Variants in ASIC2 observed in about 807,000 individuals in gnomAD.
ASIC2 encodes acid sensing ion channel subunit 2.
Under a neutral mutation model 57.3 loss-of-function variants are expected in ASIC2, and 25 were observed. The observed-to-expected ratio is 0.44, with a 90% CI of 0.32 to 0.61. The LOEUF is 0.61. Ranked by LOEUF, ASIC2 falls within the 20% of genes least tolerant of loss-of-function variation. ASIC2 has a pLI of 0.06. For synonymous variants in ASIC2, 319 were observed against 307.5 expected, an observed-to-expected ratio of 1.04 and a Z score of -0.39; for missense variants, 641 against 738.1, an observed-to-expected ratio of 0.87 and a Z score of 1.52.
chr17:33,045,693 T>G (rs1464286279), intron 3 of ASIC2, among the ~76,000 whole-genome samples: 1 of 152,168 alleles, frequency 6.6e-6, no homozygotes, highest in Admixed American at 6.5e-5. Context: ...CAAGACATAG[T>G]ACTGAGAGGG....
chr17:33,181,298 G>A (rs1333408583), intron 1 of ASIC2, among the ~76,000 whole-genome samples: 1 of 152,156 alleles, frequency 6.6e-6, no homozygotes, highest in African/African-American at 2.4e-5. Context: ...AAACACAAAA[G>A]TGTTTATAAT....
chr17:33,221,604 G>A (rs1444857979), intron 1 of ASIC2, among the ~76,000 whole-genome samples: 1 of 152,176 alleles, frequency 6.6e-6, no homozygotes, highest in African/African-American at 2.4e-5. Flanking sequence ...AGGACCCAAT[G>A]AAATGAATTC....
chr17:33,268,146 C>G (rs1909542709), intron 1 of ASIC2, among the ~76,000 whole-genome samples: 1 of 152,076 alleles, frequency 6.6e-6, no homozygotes, highest in Non-Finnish European at 1.5e-5. Flanking sequence ...GTGATTATTG[C>G]CCCTGTATAT....
intron 1 of ASIC2, among the ~76,000 whole-genome samples, chr17:33,437,506 C>A (rs1030992981): frequency 5.9e-5 from 9 of 152,076 alleles, no homozygotes; most frequent in Admixed American, 3.9e-4. Flanking sequence ...ATCAATAACA[C>A]CTCCAGGTTT....
In ASIC2 at chr17:34,019,187, T is replaced by A. The variant is rs1358548045; in HGVS notation, c.555+136791A>T. ...CCTCTCAAAGTGCGGGATTACAGGC[T>A]TGAGCCACCACGCCTGGCCAAAGTA... On this transcript the variant is annotated intron_variant, in intron 1 of 9. Coordinates refer to the ASIC2 transcript ENST00000359872. Among the ~76,000 whole-genome samples, 4 of 152,048 alleles carry A rather than the reference T, an allele frequency of 2.6e-5. No individual in the cohort carries two copies. The East Asian group carries it at 5.8e-4, about 22-fold the overall frequency.
intron 1 of ASIC2, among the ~76,000 whole-genome samples, chr17:33,511,045 G>T (rs896715575): frequency 6.6e-6 from 1 of 152,142 alleles, no homozygotes; most frequent in East Asian, 1.9e-4. Context: ...TTAGTGTAGC[G>T]AACATGCTTT....
At chr17:33,825,314 G>T (rs1156394201) in intron 1 of ASIC2, among the ~76,000 whole-genome samples, 5 of 152,112 alleles carry the variant, frequency 3.3e-5, no homozygotes, top group African/African-American at 1.2e-4. Flanking sequence ...AAGCAATAGG[G>T]TGAATTTGGC....
At chr17:33,870,449 C>T (rs1914374057) in intron 1 of ASIC2, among the ~76,000 whole-genome samples, 1 of 151,794 alleles carries the variant, frequency 6.6e-6, no homozygotes, top group Admixed American at 6.6e-5. Context: ...TGACTTGGTC[C>T]ATTCCTCTCT....
chr17:34,155,799 G>A (rs1003034896), intron 1 of ASIC2: 44 of 670,056 alleles, frequency 6.6e-5, no homozygotes, highest in South Asian at 5.9e-4. Flanking sequence ...TATCCTGGCC[G>A]GTAGCCTTCC....
intron 1 of ASIC2, among the ~76,000 whole-genome samples, chr17:33,420,760 A>G (rs1911017123): frequency 2.0e-5 from 3 of 152,192 alleles, no homozygotes. Context: ...TCAAGCTACC[A>G]ACACAGAATG....
At chr17:34,155,542 T>C (rs145502132) in intron 1 of ASIC2, 1 of 181,670 alleles carries the variant, frequency 5.5e-6, no homozygotes, top group African/African-American at 2.4e-5. Flanking sequence ...CAGGATGCAG[T>C]GCCTGATGCC....
chr17:33,625,884 G>A (rs1190249838), intron 1 of ASIC2, among the ~76,000 whole-genome samples: 1 of 152,170 alleles, frequency 6.6e-6, no homozygotes, highest in Non-Finnish European at 1.5e-5. Context: ...TGGAGGTGCA[G>A]GTGGAAAGGT....
chr17:33,166,509 C>T (rs928056619), intron 1 of ASIC2, among the ~76,000 whole-genome samples: 1 of 152,184 alleles, frequency 6.6e-6, no homozygotes, highest in Admixed American at 6.5e-5. Flanking sequence ...TTTGGTCCCA[C>T]CTTGTTTCTG....
intron 1 of ASIC2, among the ~76,000 whole-genome samples, chr17:34,092,132 A>G (rs745488454): frequency 2.0e-5 from 3 of 152,198 alleles, no homozygotes; most frequent in Non-Finnish European, 4.4e-5. Context: ...CTACACCAGT[A>G]CACCCCCAAA....
chr17:33,408,236 A>AT (rs1245452549), intron 1 of ASIC2, among the ~76,000 whole-genome samples: 2 of 152,168 alleles, frequency 1.3e-5, no homozygotes, highest in African/African-American at 4.8e-5. Context: ...CGTTTGTTGC[A>AT]TTTTGTGGCT....
At chr17:33,108,411 G>A (rs543720475) in intron 2 of ASIC2, among the ~76,000 whole-genome samples, 22 of 152,300 alleles carry the variant, frequency 1.4e-4, no homozygotes, top group Middle Eastern at 3.4e-3. Flanking sequence ...CTGTGGGGCC[G>A]CATGGTTTGG....
chr17:33,283,323 G>A (rs193055452), intron 1 of ASIC2, among the ~76,000 whole-genome samples: 162 of 151,548 alleles, frequency 1.1e-3, no homozygotes, highest in African/African-American at 3.8e-3. Context: ...CTCTCAAAGC[G>A]AGTGTGGTTT....
intron 3 of ASIC2, among the ~76,000 whole-genome samples, chr17:33,077,692 A>G (rs2141955363): frequency 1.3e-5 from 2 of 152,280 alleles, no homozygotes; most frequent in East Asian, 3.9e-4. Context: ...CCCGTTTGTC[A>G]CAACATAAAC....
In ASIC2 at chr17:33,310,077, T is replaced by C. The variant is rs1183608867; in HGVS notation, c.556-198010A>G. Among the ~76,000 whole-genome samples the C allele has an allele frequency of 2.6e-5, 4 of 151,636 alleles. No homozygotes were observed. In the East Asian group the frequency reaches 7.7e-4, roughly 29 times the overall value. On this transcript the variant is annotated intron_variant, in intron 1 of 9. Coordinates refer to the ASIC2 transcript ENST00000359872. Reference sequence around the variant, plus strand: ...TATTGTATCCCTGTAATATTAATACTCCGTATTATTGTTATACCATTATTT... The same window carrying C: ...TATTGTATCCCTGTAATATTAATACCCCGTATTATTGTTATACCATTATTT...
Sources: allele counts gnomAD v4.1 joint callset (sites outside exome capture counted in the v4.1 genomes callset), GRCh38; gene constraint gnomAD v4.1.1; transcripts MANE v1.5; gene names NCBI Gene and HGNC (gene_info 2026-07-23, HGNC 2026-07-21).